Variants in HELZ observed in about 807,000 individuals in gnomAD.
The protein encoded by HELZ is helicase with zinc finger.
Under a neutral mutation model 218.2 loss-of-function variants are expected in HELZ, and 23 were observed. That is an observed-to-expected ratio of 0.11 (90% CI 0.08 to 0.15). The LOEUF (loss-of-function observed/expected upper bound fraction) is 0.15. HELZ is among the 10% of genes least tolerant of loss of function. The pLI, the probability that HELZ is intolerant of heterozygous loss-of-function variation, is 1.00. For synonymous variants in HELZ, 814 were observed against 829.4 expected, an observed-to-expected ratio of 0.98 and a Z score of 0.32; for missense variants, 1,813 against 2,353.7, an observed-to-expected ratio of 0.77 and a Z score of 4.75.
In HELZ at chr17:67,160,319, T is replaced by G; in HGVS notation, c.2119A>C (p.Ile707Leu). 6.2e-7 allele frequency: 1 copy of G among 1,612,728 alleles called. No homozygotes were observed. The highest frequency in any genetic ancestry group is 8.5e-7 in the Non-Finnish European group (1 of 1,179,120). The change falls in exon 17 of 33, where the codon ATA becomes CTA. Residue 707 changes from isoleucine to leucine, a missense_variant. By Grantham distance (5) the Ile-to-Leu change is conservative. Transcript: ENST00000358691. ...ACATATGGATGTAAATAATCCTTTA[T>G]GTAGAGATCAGCAGCACTATTAGAA... The part of the protein sequence containing the change: ...THSNSAADLY[I>L]KDYLHPYVEA...
intron 21 of HELZ, 32 bp downstream of exon 21, chr17:67,145,711 A>G: frequency 6.4e-7 from 1 of 1,556,550 alleles, no homozygotes; most frequent in Non-Finnish European, 8.8e-7. Context: ...GACTGAGAAA[A>G]TGTTAACAAT....
At chr17:67,148,433 A>T in intron 20 of HELZ, 136 bp downstream of exon 20, 1 of 668,422 alleles carries the variant, frequency 1.5e-6, no homozygotes, top group Non-Finnish European at 2.4e-6. Flanking sequence ...ACATAAAATT[A>T]AACATAATTT....
At chr17:67,217,006 T>C (rs1362419301) in intron 4 of HELZ, among the ~76,000 whole-genome samples, 1 of 152,160 alleles carries the variant, frequency 6.6e-6, no homozygotes, top group Non-Finnish European at 1.5e-5. Flanking sequence ...CCTTGGTGAT[T>C]CTACGCTGGC....
intron 31 of HELZ, among the ~76,000 whole-genome samples, chr17:67,090,983 C>T (rs2036559054): frequency 6.6e-6 from 1 of 151,910 alleles, no homozygotes; most frequent in African/African-American, 2.4e-5. Context: ...GATCTGAGAT[C>T]TTACTTCTTT....
chr17:67,177,178 C>T (rs2039483822), intron 13 of HELZ, among the ~76,000 whole-genome samples: 1 of 152,024 alleles, frequency 6.6e-6, no homozygotes. Context: ...GTCTCAAACT[C>T]TTGAGCACAA....
In HELZ at chr17:67,120,452, G is replaced by A. The variant is rs1598266029; in HGVS notation, c.3791C>T (p.Pro1264Leu). Residue 1264 changes from proline to leucine, a missense_variant, in exon 27 of 33, where the codon CCA (proline) becomes CTA (leucine). This residue lies in a region of HELZ where 938 missense variants were observed against 1,027.5 expected (regional missense o/e 0.91). Coordinates refer to ENST00000358691, the MANE Select transcript of HELZ (RefSeq NM_014877.4). ...GHHPPVTIGQ[P>L]QNQHQEKDQH... is the part of the protein sequence containing the mutation. ...ATCCTTCTCCTGATGCTGATTTTGT[G>A]GCTGGCCTATGGTGACAGGTGGGTG... 6.2e-7 allele frequency: 1 copy of A among 1,614,030 alleles called. No individual in the cohort carries two copies. Among genetic ancestry groups the A allele is most frequent in the South Asian group, 1.1e-5 (1 of 91,072 alleles).
chr17:67,202,256 T>C (rs2040187899), intron 6 of HELZ, among the ~76,000 whole-genome samples: 2 of 152,208 alleles, frequency 1.3e-5, no homozygotes, highest in African/African-American at 4.8e-5. Context: ...ATAGCTCTTT[T>C]CTTCCACTTT....
At chr17:67,097,674 T>C (rs190998343) in intron 31 of HELZ, among the ~76,000 whole-genome samples, 43 of 152,350 alleles carry the variant, frequency 2.8e-4, no homozygotes, top group Admixed American at 2.1e-3. Context: ...ACCTTGAATC[T>C]ATCTGACTCT....
At chr17:67,172,327 T>C (rs2039336908) in intron 13 of HELZ, among the ~76,000 whole-genome samples, 1 of 152,174 alleles carries the variant, frequency 6.6e-6, no homozygotes. Context: ...TATAACCCTG[T>C]ATTTATGAGT....
Position 67,077,111 on chromosome 17 carries a change from G to T in HELZ, c.*1141C>A, listed in dbSNP as rs2036037701. ...AAGGGGTATTTTAGAAGAATTGAAA[G>T]ACATGAAAAACAAGGGTAGTTTTCT... On this transcript the variant is annotated 3_prime_UTR_variant, in exon 33 of 33. Coordinates refer to ENST00000358691, the MANE Select transcript of HELZ (RefSeq NM_014877.4). 1 of 152,356 alleles carries T rather than the reference G, an allele frequency of 6.6e-6. No homozygotes were observed. Among genetic ancestry groups the T allele is most frequent in the Non-Finnish European group, 1.5e-5 (1 of 68,000 alleles). 9.4% of individuals were successfully genotyped at this position (152,356 alleles called of 1,614,324 possible). A position where few individuals can be genotyped will look rare whatever the true frequency, so the allele number is the denominator to read the frequency against.
intron 15 of HELZ, among the ~76,000 whole-genome samples, chr17:67,163,128 T>C (rs996716602): frequency 4.6e-5 from 7 of 152,240 alleles, no homozygotes; most frequent in Admixed American, 1.3e-4. Context: ...AGATAATACA[T>C]GTAAAGCTGT....
chr17:67,131,645 G>T (rs7225737), intron 23 of HELZ, among the ~76,000 whole-genome samples: 12,828 of 151,826 alleles, frequency 0.084, 1,755 homozygotes, highest in African/African-American at 0.29. Flanking sequence ...CCATTCAGTA[G>T]CTGTGTGACT....
At chr17:67,157,119 C>T (rs2038865766) in intron 17 of HELZ, among the ~76,000 whole-genome samples, 1 of 152,198 alleles carries the variant, frequency 6.6e-6, no homozygotes, top group Non-Finnish European at 1.5e-5. Context: ...TTCCTGAGGC[C>T]TCCCTAGAAG....
At chr17:67,111,896 A>G (rs1334838142) in intron 28 of HELZ, among the ~76,000 whole-genome samples, 1 of 152,240 alleles carries the variant, frequency 6.6e-6, no homozygotes, top group Non-Finnish European at 1.5e-5. Context: ...TATTGTTGAT[A>G]TGCATAGTTT....
intron 22 of HELZ, among the ~76,000 whole-genome samples, chr17:67,137,000 C>T (rs2038174886): frequency 6.6e-6 from 1 of 151,992 alleles, no homozygotes; most frequent in Non-Finnish European, 1.5e-5. Flanking sequence ...CTATTGGAAC[C>T]AACCTTAAAA....
chr17:67,180,140 C>A (rs1389406869), intron 12 of HELZ, among the ~76,000 whole-genome samples: 1 of 152,024 alleles, frequency 6.6e-6, no homozygotes, highest in Non-Finnish European at 1.5e-5. Context: ...ACCATTATAA[C>A]CATCAAATGT....
At chr17:67,131,197 A>G (rs1416750637) in intron 23 of HELZ, among the ~76,000 whole-genome samples, 1 of 152,146 alleles carries the variant, frequency 6.6e-6, no homozygotes, top group Non-Finnish European at 1.5e-5. Context: ...CTCTAGCTCA[A>G]TTTTTAATAT....
intron 22 of HELZ, among the ~76,000 whole-genome samples, chr17:67,137,127 G>C (rs751065877): frequency 5.9e-5 from 9 of 152,116 alleles, no homozygotes; most frequent in Non-Finnish European, 1.3e-4. Context: ...GAAAGTCTAG[G>C]TGTATATCAT....
In HELZ at chr17:67,086,631, A is replaced by AATATAAATAT. The variant is rs914625902; in HGVS notation, c.5494+197_5494+198insATATTTATAT. On this transcript the variant is annotated intron_variant, in intron 32 of 32. Transcript: ENST00000358691. ...ATATATATAAATAAATATAAATATA[A>AATATAAATAT]ATATATATATATATATATATATATA... 5.6e-3 allele frequency among the ~76,000 whole-genome samples: 526 copies of AATATAAATAT among 93,224 alleles called. 8 individuals carry two copies. Among genetic ancestry groups the AATATAAATAT allele is most frequent in the African/African-American group, 0.022 (450 of 20,718 alleles). The allele number at this position is 93,224 out of a possible 152,430, so 61.2% of individuals were successfully genotyped here.
Sources: allele counts gnomAD v4.1 joint callset (sites outside exome capture counted in the v4.1 genomes callset), GRCh38; gene constraint gnomAD v4.1.1; regional missense constraint gnomAD v4.1.1; transcripts MANE v1.5; gene names NCBI Gene and HGNC (gene_info 2026-07-23, HGNC 2026-07-21).